WASF2: variants seen among roughly 807,000 people sequenced by gnomAD.
WASF2 encodes actin-binding protein WASF2.
Under a neutral mutation model 45.0 loss-of-function variants are expected in WASF2, and 14 were observed. The observed-to-expected ratio is 0.31, with a 90% CI of 0.21 to 0.49. The LOEUF (loss-of-function observed/expected upper bound fraction) is 0.49. Among genes scored for constraint, WASF2 ranks in the 20% least tolerant of loss-of-function variants. The pLI is 0.99. For synonymous variants in WASF2, 200 were observed against 236.3 expected, an observed-to-expected ratio of 0.85 and a Z score of 1.41; for missense variants, 439 against 636.1, an observed-to-expected ratio of 0.69 and a Z score of 3.33.
chr1:27,428,989 G>C (rs924520051), intron 1 of WASF2, 56 bp from the exon 2 acceptor site: 37 of 1,423,052 alleles, frequency 2.6e-5, no homozygotes, highest in Middle Eastern at 2.5e-4. Flanking sequence ...GGCACACTAG[G>C]GCTGTGTGAA....
At chr1:27,454,127 A>ATG (rs2017424824) in intron 1 of WASF2, among the ~76,000 whole-genome samples, 1 of 7,200 alleles carries the variant, frequency 1.4e-4, no homozygotes, top group East Asian at 4.6e-3. Context: ...ATATGTGTGT[A>ATG]TATATATATG....
At chr1:27,449,255 C>A (rs986956422) in intron 1 of WASF2, among the ~76,000 whole-genome samples, 2 of 152,152 alleles carry the variant, frequency 1.3e-5, no homozygotes, top group Non-Finnish European at 2.9e-5. Context: ...TGAGTCATCT[C>A]TAATCTTAGT....
At position 27,414,474 on chromosome 1, in the gene WASF2, C is replaced by G. The variant is rs1406255198; in HGVS notation, c.668+359G>C. On this transcript the variant is annotated intron_variant, in intron 6 of 8. Transcript: ENST00000618852. The surrounding 1 kb of genome is among the most constrained non-coding windows in gnomAD (Gnocchi z 4.1). ...GAGAGTGAAATGCCCAGTTCTTAGG[C>G]ATGACCTTCAAATCAATGCTCTGGA... Among the ~76,000 whole-genome samples the G allele has an allele frequency of 6.6e-6, 1 of 152,076 alleles. No homozygotes were observed.
chr1:27,434,823 G>A lies in WASF2; in HGVS notation c.-43-5890C>T, dbSNP rs551588419. Among the ~76,000 whole-genome samples the A allele has an allele frequency of 7.2e-5, 11 of 152,320 alleles. No homozygotes were observed. In the East Asian group the frequency reaches 2.1e-3, roughly 29 times the overall value. ...TGCCAGAACTTCCTAGCCATGGCCT[G>A]GCAGTACCAGTCTGGACTGTTAGTG... On this transcript the variant is annotated intron_variant, in intron 1 of 8. Coordinates refer to ENST00000618852, the MANE Select transcript of WASF2 (RefSeq NM_006990.5).
At chr1:27,478,275 CAAAA>C (rs765416697) in intron 1 of WASF2, among the ~76,000 whole-genome samples, 9 of 49,938 alleles carry the variant, frequency 1.8e-4, no homozygotes, top group Admixed American at 4.3e-4. Context: ...AATAGCAAAG[CAAAA>C]AAAAAAAAAA....
At chr1:27,442,618 G>A (rs1252786756) in intron 1 of WASF2, among the ~76,000 whole-genome samples, 1 of 151,658 alleles carries the variant, frequency 6.6e-6, no homozygotes, top group African/African-American at 2.4e-5. Flanking sequence ...CAGCACTCTG[G>A]GAGGCTGAGA....
chr1:27,407,936 G>A lies in WASF2; in HGVS notation c.*253C>T, dbSNP rs527470441. ...TCTCCTTCCTTTCAATATGCAACAG[G>A]CACTTGAAGGAAAGAGGGAACATCC... On this transcript the variant is annotated 3_prime_UTR_variant, in exon 9 of 9. Transcript: ENST00000618852. The A allele has an allele frequency of 7.4e-6, 3 of 405,492 alleles. No individual in the cohort carries two copies. The highest frequency in any genetic ancestry group is 8.5e-5 in the Admixed American group (2 of 23,454). The allele number at this position is 405,492 out of a possible 1,614,324, so 25.1% of individuals were successfully genotyped here. A position where few individuals can be genotyped will look rare whatever the true frequency, so the allele number is the denominator to read the frequency against.
chr1:27,488,087 T>C (rs2017971295), intron 1 of WASF2, among the ~76,000 whole-genome samples: 1 of 152,054 alleles, frequency 6.6e-6, no homozygotes, highest in Non-Finnish European at 1.5e-5. Flanking sequence ...TTGCTGCTTT[T>C]CTGGTTTTAG....
At chr1:27,459,068 G>A (rs1448306164) in intron 1 of WASF2, among the ~76,000 whole-genome samples, 1 of 151,714 alleles carries the variant, frequency 6.6e-6, no homozygotes, top group Non-Finnish European at 1.5e-5. Context: ...GGAGGTTGCA[G>A]TGAGCCGAGA....
chr1:27,464,792 G>A (rs1391597750), intron 1 of WASF2, among the ~76,000 whole-genome samples: 6 of 152,188 alleles, frequency 3.9e-5, no homozygotes, highest in South Asian at 2.1e-4. Context: ...GCAGTGGCAC[G>A]ATCTTGGCTT....
At position 27,404,269 on chromosome 1, in the gene WASF2, T is replaced by C. The variant is rs963980532; in HGVS notation, c.*3920A>G. 7.9e-5 allele frequency: 12 copies of C among 152,236 alleles called. No homozygotes were observed. Among genetic ancestry groups the C allele is most frequent in the Admixed American group, 7.2e-4 (11 of 15,288 alleles). 9.4% of individuals were successfully genotyped at this position (152,236 alleles called of 1,614,324 possible). On this transcript the variant is annotated 3_prime_UTR_variant, in exon 9 of 9. Coordinates refer to ENST00000618852, the MANE Select transcript of WASF2 (RefSeq NM_006990.5). ...GACTTTATCAAATTATTTTAAATGT[T>C]GGCATTTAAGTATTCATGTGTATAC...
intron 1 of WASF2, among the ~76,000 whole-genome samples, chr1:27,482,529 C>T (rs571679745): frequency 6.6e-6 from 1 of 152,286 alleles, no homozygotes; most frequent in South Asian, 2.1e-4. Context: ...TAGAAACAGT[C>T]TTTCATGCAA....
intron 2 of WASF2, 77 bp from the exon 3 acceptor site, chr1:27,419,165 C>A: frequency 6.4e-7 from 1 of 1,552,388 alleles, no homozygotes; most frequent in Non-Finnish European, 8.8e-7. Flanking sequence ...TACTAAAGAT[C>A]GTGTTCCCTA....
At chr1:27,444,694 T>C (rs909674084) in intron 1 of WASF2, among the ~76,000 whole-genome samples, 1 of 152,360 alleles carries the variant, frequency 6.6e-6, no homozygotes, top group Non-Finnish European at 1.5e-5. Context: ...CTGAAAAAGA[T>C]GGATGGCCTC....
intron 1 of WASF2, among the ~76,000 whole-genome samples, chr1:27,442,812 C>A (rs1458414396): frequency 6.6e-6 from 1 of 151,618 alleles, no homozygotes; most frequent in African/African-American, 2.4e-5. Context: ...ACCAGCCTGA[C>A]CAACATGGTG....
intron 1 of WASF2, among the ~76,000 whole-genome samples, chr1:27,458,776 G>A (rs2017507206): frequency 6.6e-6 from 1 of 151,232 alleles, no homozygotes; most frequent in East Asian, 2.0e-4. Flanking sequence ...CTCGGTGACA[G>A]AGCGAGATTC....
At chr1:27,440,552 G>A (rs1253870923) in intron 1 of WASF2, among the ~76,000 whole-genome samples, 1 of 151,274 alleles carries the variant, frequency 6.6e-6, no homozygotes, top group Non-Finnish European at 1.5e-5. Context: ...TAAAATGTGA[G>A]GAAAAAATGT....
At chr1:27,466,299 A>C (rs992441188) in intron 1 of WASF2, among the ~76,000 whole-genome samples, 7 of 152,246 alleles carry the variant, frequency 4.6e-5, no homozygotes, top group African/African-American at 1.7e-4. Flanking sequence ...TTTTTCACAC[A>C]TTTAATGAAA....
chr1:27,437,286 T>A (rs2017150576), intron 1 of WASF2, among the ~76,000 whole-genome samples: 1 of 152,174 alleles, frequency 6.6e-6, no homozygotes, highest in African/African-American at 2.4e-5. Flanking sequence ...TTTAGCAGGA[T>A]CCATCTGGTT....
Sources: gnomAD v4.1 joint callset for allele counts (sites outside exome capture counted in the v4.1 genomes callset) on GRCh38, gnomAD v4.1.1 for gene constraint, Gnocchi (gnomAD v3.1) non-coding constraint, MANE v1.5 for transcripts, NCBI Gene and HGNC (gene_info 2026-07-23, HGNC 2026-07-21) for gene names.